Variants in TUBGCP2 observed in about 807,000 individuals in gnomAD.
TUBGCP2 encodes the protein gamma-tubulin complex component 2.
TUBGCP2 carries 55 observed loss-of-function variants against 92.2 expected under a neutral mutation model. That is an observed-to-expected ratio of 0.60 (90% CI 0.48 to 0.75). TUBGCP2 has a LOEUF of 0.75. TUBGCP2 is among the 30% of genes least tolerant of loss of function. The probability of loss-of-function intolerance (pLI) is 0.00; values close to 1 mark genes in which losing one functional copy is unlikely to be tolerated. For synonymous variants in TUBGCP2, 533 were observed against 505.2 expected, an observed-to-expected ratio of 1.06 and a Z score of -0.74; for missense variants, 1,093 against 1,188.9, an observed-to-expected ratio of 0.92 and a Z score of 1.19.
At chr10:133,289,171 G>A in intron 9 of TUBGCP2, 151 bp from the exon 10 acceptor site, 1 of 906,014 alleles carries the variant, frequency 1.1e-6, no homozygotes, top group Non-Finnish European at 1.6e-6. Context: ...CTACACAGAA[G>A]GCAGTGGAAT....
In TUBGCP2 at chr10:133,288,177, C is replaced by T. The variant is rs368962302; in HGVS notation, c.1674G>A (p.Ala558=). ...CAGTGTTGGCCGTGCTCATGCGCAGCGCCAGCTCCAGGAGCGCTTCCAGGC... is the reference window on the plus strand; with the variant it reads ...CAGTGTTGGCCGTGCTCATGCGCAGTGCCAGCTCCAGGAGCGCTTCCAGGC... ...PPRLEALLEL[A]LRMSTANTDP... Residue 558 remains alanine (A), a synonymous_variant, in exon 11 of 18, where the codon GCG becomes GCA. Transcript: ENST00000252936. 33 of 1,613,792 alleles carry T rather than the reference C, an allele frequency of 2.0e-5. No individual in the cohort carries two copies. In the African/African-American group the frequency reaches 2.7e-4, roughly 13 times the overall value.
chr10:133,300,019 A>C lies in TUBGCP2; in HGVS notation c.245T>G (p.Val82Gly). ...SKNTRNLDPL[V>G]YLLSKLTEDK... ...TTCCGTGAGCTTTGACAACAGGTAC[A>C]CCAGCGGGTCAAGGTTCCTTGTATT... The change falls in exon 3 of 18, where the codon GTG (valine) becomes GGG (glycine). Residue 82 changes from valine (V) to glycine (G), a missense_variant. Val to Gly is a moderately radical substitution (Grantham distance 109). Transcript: ENST00000252936. The C allele has an allele frequency of 6.2e-7, 1 of 1,614,186 alleles. No homozygotes were observed. The highest frequency in any genetic ancestry group is 8.5e-7 in the Non-Finnish European group (1 of 1,180,036).
At chr10:133,284,757 G>A (rs1447516064) in intron 13 of TUBGCP2, among the ~76,000 whole-genome samples, 1 of 152,174 alleles carries the variant, frequency 6.6e-6, no homozygotes, top group Non-Finnish European at 1.5e-5. Flanking sequence ...GCAAGATGTG[G>A]CTGTCCGCTC....
At chr10:133,296,682 G>A (rs939512019) in intron 5 of TUBGCP2, among the ~76,000 whole-genome samples, 14 of 151,986 alleles carry the variant, frequency 9.2e-5, no homozygotes, top group Admixed American at 7.9e-4. Flanking sequence ...TCGTCCTGTC[G>A]CCCAGGCTGG....
intron 4 of TUBGCP2, among the ~76,000 whole-genome samples, chr10:133,298,546 C>G (rs760186802): frequency 4.6e-5 from 7 of 152,278 alleles, no homozygotes; most frequent in Non-Finnish European, 7.3e-5. Context: ...CATCCTTACC[C>G]TGCCGGAGAA....
chr10:133,300,188 T>G, intron 2 of TUBGCP2, 75 bp from the exon 3 acceptor site: 1 of 1,543,304 alleles, frequency 6.5e-7, no homozygotes, highest in Non-Finnish European at 8.8e-7. Flanking sequence ...TTACGAAAAT[T>G]GAACACAATA....
chr10:133,291,131 T>TG (rs1847276198), intron 8 of TUBGCP2: 1 of 343,932 alleles, frequency 2.9e-6, no homozygotes, highest in Admixed American at 4.5e-5. Context: ...AGCTGGGCCA[T>TG]TCCTGCCCTG....
At chr10:133,286,362 C>T (rs185763529) in intron 11 of TUBGCP2, among the ~76,000 whole-genome samples, 2 of 152,136 alleles carry the variant, frequency 1.3e-5, no homozygotes, top group East Asian at 1.9e-4. Flanking sequence ...ATTTTTCCTA[C>T]GAAAATATTC....
At chr10:133,288,397 G>T in intron 10 of TUBGCP2, 88 bp from the exon 11 acceptor site, 1 of 1,492,398 alleles carries the variant, frequency 6.7e-7, no homozygotes, top group East Asian at 2.5e-5. Context: ...CCCACCCGCA[G>T]GTGCCCGCCA....
intron 9 of TUBGCP2, among the ~76,000 whole-genome samples, chr10:133,289,511 A>T (rs561763094): frequency 1.3e-5 from 2 of 152,292 alleles, no homozygotes; most frequent in African/African-American, 4.8e-5. Flanking sequence ...TTTTCCTGAC[A>T]TGCTAGCGGA....
upstream of TUBGCP2, chr10:133,311,965 A>G (rs1246991171): frequency 3.7e-6 from 6 of 1,611,484 alleles, no homozygotes; most frequent in East Asian, 8.9e-5. Flanking sequence ...GGGTAAGAAA[A>G]TCGGCTTCCG....
chr10:133,308,888 T>C, upstream of TUBGCP2: 1 of 1,200,678 alleles, frequency 8.3e-7, no homozygotes, highest in Non-Finnish European at 1.0e-6. Flanking sequence ...TGACGTCACG[T>C]CCGGCTCGGC....
At chr10:133,287,835 T>A (rs1236161686) in intron 11 of TUBGCP2, among the ~76,000 whole-genome samples, 3 of 151,914 alleles carry the variant, frequency 2.0e-5, no homozygotes, top group African/African-American at 7.3e-5. Context: ...TGAAACCCTT[T>A]CAAAAGACAG....
intron 2 of TUBGCP2, among the ~76,000 whole-genome samples, chr10:133,301,024 C>T (rs912050907): frequency 1.3e-5 from 2 of 152,108 alleles, no homozygotes; most frequent in Non-Finnish European, 2.9e-5. Flanking sequence ...GTAGTTTATG[C>T]GTTCATTGTC....
rs1847283599 is a variant in TUBGCP2, at chr10:133,291,248, CCCCATGTCCCT to C, written c.1214+1240_1214+1250del. On this transcript the variant is annotated intron_variant, in intron 8 of 17. Transcript: ENST00000252936. The stretch of plus-strand genomic sequence containing the variant: ...GAGGGCAGCACGCGCCCTCCGTGTC[CCCCATGTCCCT>C]CCGTGTCCCCCATGTCCCTCCGTGT... Among the ~76,000 whole-genome samples the C allele has an allele frequency of 1.0e-4, 7 of 68,390 alleles. No individual in the cohort carries two copies. The African/African-American group carries it at 1.5e-3, about 15-fold the overall frequency. The allele number at this position is 68,390 out of a possible 152,430, so 44.9% of individuals were successfully genotyped here.
upstream of TUBGCP2, chr10:133,312,028 C>A: frequency 6.5e-7 from 1 of 1,538,534 alleles, no homozygotes. Flanking sequence ...TAGTTTCTCT[C>A]GCATACTCTG....
At position 133,288,982 on chromosome 10, in the gene TUBGCP2, C is replaced by CGT; in HGVS notation, c.1397_1398dup (p.Val467ThrfsTer14). The CGT allele has an allele frequency of 6.2e-7, 1 of 1,613,874 alleles. No individual in the cohort carries two copies. The highest frequency in any genetic ancestry group is 8.5e-7 in the Non-Finnish European group (1 of 1,179,882). ...ATCTCTTTAGCCACCGGGCAGGTGACGTCATGGCCACACTCTCTGACCACA... is the reference window on the plus strand; with the variant it reads ...ATCTCTTTAGCCACCGGGCAGGTGACGTGTCATGGCCACACTCTCTGACCACA... On this transcript the variant is annotated frameshift_variant, in exon 10 of 18. Transcript: ENST00000252936. LOFTEE classifies it high-confidence loss of function.
intron 5 of TUBGCP2, among the ~76,000 whole-genome samples, chr10:133,297,065 G>A (rs1459097773): frequency 6.6e-6 from 1 of 152,178 alleles, no homozygotes; most frequent in South Asian, 2.1e-4. Flanking sequence ...AAGATAAGCA[G>A]GTATGCTCTG....
Position 133,279,503 on chromosome 10 carries a change from G to A in TUBGCP2, c.*263C>T, listed in dbSNP as rs1263789721. The A allele has an allele frequency of 5.9e-6, 3 of 504,908 alleles. No individual in the cohort carries two copies. The highest frequency in any genetic ancestry group is 8.3e-5 in the Admixed American group (2 of 24,030). 31.3% of individuals were successfully genotyped at this position (504,908 alleles called of 1,614,324 possible). On this transcript the variant is annotated 3_prime_UTR_variant, in exon 18 of 18. Transcript: ENST00000252936. ...CTTAAACACCATGTATTTCCACTTT[G>A]AGGCCAAAAACACCCAAAAAGGTGA...
Sources: allele counts gnomAD v4.1 joint callset (sites outside exome capture counted in the v4.1 genomes callset), GRCh38; gene constraint gnomAD v4.1.1; transcripts MANE v1.5; gene names NCBI Gene and HGNC (gene_info 2026-07-23, HGNC 2026-07-21).